STK17B: variants seen among roughly 807,000 people sequenced by gnomAD.
The protein encoded by STK17B is serine/threonine kinase 17b.
A neutral mutation model predicts 42.0 loss-of-function variants in STK17B; 21 were observed. The observed-to-expected ratio is 0.50, with a 90% CI of 0.35 to 0.72. STK17B has a LOEUF of 0.72. STK17B is among the 30% of genes least tolerant of loss of function. STK17B has a pLI of 0.00. For missense variants in STK17B, 349 were observed against 446.0 expected (o/e 0.78, Z 1.96); for synonymous variants, 143 against 148.4 (o/e 0.96, Z 0.26).
At position 196,137,308 on chromosome 2, in the gene STK17B, T is replaced by C. The variant is rs531360202; in HGVS notation, c.*139A>G. 10 of 920,730 alleles carry C rather than the reference T, an allele frequency of 1.1e-5. 1 individual carries two copies. In the South Asian group the frequency reaches 1.6e-4, roughly 15 times the overall value. The allele number at this position is 920,730 out of a possible 1,614,324, so 57.0% of individuals were successfully genotyped here. A position where few individuals can be genotyped will look rare whatever the true frequency, so the allele number is the denominator to read the frequency against. Reference sequence around the variant, plus strand: ...CATGCTAGCAACTAGTAATTTAACATTAAAACACTTCCCTAAATTATTCCA... The same window carrying C: ...CATGCTAGCAACTAGTAATTTAACACTAAAACACTTCCCTAAATTATTCCA... On this transcript the variant is annotated 3_prime_UTR_variant, in exon 8 of 8. Transcript: ENST00000263955.
At chr2:196,143,367 G>A (rs1230269012) in intron 5 of STK17B, among the ~76,000 whole-genome samples, 193 bp downstream of exon 5, 2 of 147,264 alleles carry the variant, frequency 1.4e-5, no homozygotes, top group Non-Finnish European at 3.0e-5. Context: ...CTGAATTGCT[G>A]TAAATGTTTC....
chr2:196,168,675 G>T (rs1407792125), intron 1 of STK17B, among the ~76,000 whole-genome samples: 1 of 152,112 alleles, frequency 6.6e-6, no homozygotes, highest in Non-Finnish European at 1.5e-5. Flanking sequence ...AAATGGCACT[G>T]AAGTTTGAGG....
chr2:196,146,949 A>G (rs1032296647), intron 3 of STK17B, among the ~76,000 whole-genome samples: 1 of 152,214 alleles, frequency 6.6e-6, no homozygotes, highest in Admixed American at 6.5e-5. Flanking sequence ...ACTGAAATTT[A>G]AAGAATGCTG....
intron 3 of STK17B, among the ~76,000 whole-genome samples, chr2:196,149,767 A>C (rs1351012272): frequency 6.6e-6 from 1 of 152,238 alleles, no homozygotes; most frequent in Non-Finnish European, 1.5e-5. Flanking sequence ...ACATATCATA[A>C]AGTAACCATC....
intron 1 of STK17B, among the ~76,000 whole-genome samples, chr2:196,166,501 A>G (rs1392354009): frequency 6.6e-6 from 1 of 152,226 alleles, no homozygotes; most frequent in Non-Finnish European, 1.5e-5. Flanking sequence ...AAAAATCTTA[A>G]GGGACCTGGT....
Position 196,135,183 on chromosome 2 carries a change from T to G in STK17B, c.*2264A>C, listed in dbSNP as rs935858729. The G allele has an allele frequency of 2.0e-5, 3 of 152,192 alleles. No individual in the cohort carries two copies. Among genetic ancestry groups the G allele is most frequent in the East Asian group, 1.9e-4 (1 of 5,202 alleles). The allele number at this position is 152,192 out of a possible 1,614,324, so 9.4% of individuals were successfully genotyped here. A position where few individuals can be genotyped will look rare whatever the true frequency, so the allele number is the denominator to read the frequency against. On this transcript the variant is annotated 3_prime_UTR_variant, in exon 8 of 8. Transcript: ENST00000263955. ...AAAATTCAAATATTTCTTGATTTTT[T>G]GGGGGATGGCATGATTCCTCTAAAA...
chr2:196,156,417 G>A (rs6712829), intron 3 of STK17B, 22 bp downstream of exon 3: 894,451 of 1,529,588 alleles, frequency 0.58, 268,929 homozygotes, highest in South Asian at 0.62. Context: ...ACTAAAATAG[G>A]TACTATTTAG....
chr2:196,141,341 A>C (rs1470211191), intron 5 of STK17B, 44 bp from the exon 6 acceptor site: 19 of 1,471,004 alleles, frequency 1.3e-5, no homozygotes, highest in Admixed American at 1.8e-5. Context: ...GACAAATTTT[A>C]AAACAAGAAA....
intron 7 of STK17B, among the ~76,000 whole-genome samples, chr2:196,139,178 A>T (rs1699454409): frequency 6.7e-6 from 1 of 150,056 alleles, no homozygotes; most frequent in Admixed American, 6.7e-5. Flanking sequence ...GTTAGCCAGG[A>T]GGGTCTCAAT....
chr2:196,147,764 A>C (rs1699600884), intron 3 of STK17B, among the ~76,000 whole-genome samples: 1 of 142,044 alleles, frequency 7.0e-6, no homozygotes, highest in South Asian at 2.2e-4. Flanking sequence ...ATGGAGTTTC[A>C]CTCTGTTGCC....
At chr2:196,143,749 GA>G in intron 4 of STK17B, 63 bp from the exon 5 acceptor site, 1 of 1,337,726 alleles carries the variant, frequency 7.5e-7, no homozygotes, top group Non-Finnish European at 9.9e-7. Context: ...GTCTCAGATG[GA>G]AAGTATATTA....
Position 196,156,628 on chromosome 2 carries a change from T to C in STK17B, c.146A>G (p.Gln49Arg), listed in dbSNP as rs751311997. The stretch of plus-strand genomic sequence containing the variant: ...TTGGCCAGTAGATTTTGATATACAT[T>C]GTCTAACCACAGCAAATTTTCCTCT... ...LGRGKFAVVR[Q>R]CISKSTGQEY... Residue 49 changes from glutamine (Q) to arginine (R), a missense_variant, in exon 3 of 8, where the codon CAA (glutamine) becomes CGA (arginine). Coordinates refer to ENST00000263955, the MANE Select transcript of STK17B (RefSeq NM_004226.4). The C allele has an allele frequency of 2.6e-5, 42 of 1,612,280 alleles. No homozygotes were observed. Among genetic ancestry groups the C allele is most frequent in the East Asian group, 6.7e-5 (3 of 44,842 alleles).
chr2:196,137,603 A>G lies in STK17B; in HGVS notation c.963T>C (p.Ser321=). 1 of 1,614,162 alleles carries G rather than the reference A, an allele frequency of 6.2e-7. No individual in the cohort carries two copies. The highest frequency in any genetic ancestry group is 2.2e-5 in the East Asian group (1 of 44,870). Reference sequence around the variant, plus strand: ...AGGAGGATTTAGAAGTCTTGTCTTCAGAGGACCTTACAGAATGATCCTGAG... The same window carrying G: ...AGGAGGATTTAGAAGTCTTGTCTTCGGAGGACCTTACAGAATGATCCTGAG... ...SQTQDHSVRS[S]EDKTSKSSCN... is the part of the protein sequence containing the mutation. The change falls in exon 8 of 8, where the codon TCT becomes TCC. Residue 321 remains serine, a synonymous_variant. Coordinates refer to ENST00000263955, the MANE Select transcript of STK17B (RefSeq NM_004226.4).
chr2:196,167,053 A>G (rs1190317373), intron 1 of STK17B, among the ~76,000 whole-genome samples: 1 of 152,140 alleles, frequency 6.6e-6, no homozygotes, highest in African/African-American at 2.4e-5. Context: ...TTGCCACCAC[A>G]TCTTTGTTAT....
intron 3 of STK17B, among the ~76,000 whole-genome samples, chr2:196,152,183 T>C (rs1699674351): frequency 1.3e-5 from 2 of 151,342 alleles, no homozygotes; most frequent in Admixed American, 6.6e-5. Flanking sequence ...CTCAGCTCAC[T>C]GCAACCTCTG....
intron 3 of STK17B, among the ~76,000 whole-genome samples, chr2:196,146,363 G>T (rs1051557799): frequency 1.3e-5 from 2 of 152,048 alleles, no homozygotes; most frequent in African/African-American, 4.8e-5. Context: ...AATTAGCTGG[G>T]TGTGATGGCA....
chr2:196,164,073 T>G (rs138704706), intron 1 of STK17B, among the ~76,000 whole-genome samples: 10 of 150,534 alleles, frequency 6.6e-5, no homozygotes, highest in African/African-American at 2.4e-4. Flanking sequence ...AATAAATAAA[T>G]AAAGTTATAG....
At chr2:196,170,300 C>G (rs1699923185) in intron 1 of STK17B, among the ~76,000 whole-genome samples, 1 of 152,174 alleles carries the variant, frequency 6.6e-6, no homozygotes, top group Admixed American at 6.5e-5. Flanking sequence ...GACTTGAAAA[C>G]GTAAAGTGGC....
chr2:196,163,411 T>C lies in STK17B; in HGVS notation c.-28A>G. 1.9e-6 allele frequency: 3 copies of C among 1,556,000 alleles called. No homozygotes were observed. The highest frequency in any genetic ancestry group is 1.2e-5 in the South Asian group (1 of 80,946). On this transcript the variant is annotated 5_prime_UTR_variant, in exon 2 of 8. Coordinates refer to ENST00000263955, the MANE Select transcript of STK17B (RefSeq NM_004226.4). ...TAGGTGATTCCCAGGTCTGCTTCTT[T>C]AGTCACTTATTTTTACCTATGCAAA...
Sources: allele counts gnomAD v4.1 joint callset (sites outside exome capture counted in the v4.1 genomes callset), GRCh38; gene constraint gnomAD v4.1.1; transcripts MANE v1.5; gene names NCBI Gene and HGNC (gene_info 2026-07-23, HGNC 2026-07-21).